The following LRTM1 variants were observed in gnomAD, a reference collection of about 807,000 sequenced individuals.
The protein encoded by LRTM1 is leucine-rich repeat and transmembrane domain-containing protein 1.
Under a neutral mutation model 32.4 loss-of-function variants are expected in LRTM1, and 38 were observed. The ratio of observed to expected loss-of-function variants is 1.17; its 90% CI spans 0.91 to 1.54. LRTM1 has a LOEUF of 1.54. LRTM1 is among the 40% of genes most tolerant of loss of function. LRTM1 has a pLI of 0.00. For synonymous variants in LRTM1, 186 were observed against 169.9 expected, an observed-to-expected ratio of 1.09 and a Z score of -0.74; for missense variants, 466 against 415.4, an observed-to-expected ratio of 1.12 and a Z score of -1.06.
At chr3:54,950,189 C>T (rs1701723546) in intron 1 of LRTM1, among the ~76,000 whole-genome samples, 1 of 152,228 alleles carries the variant, frequency 6.6e-6, no homozygotes, top group African/African-American at 2.4e-5. Context: ...AGGTAGCTTT[C>T]TTGTTTTGTT....
intron 1 of LRTM1, among the ~76,000 whole-genome samples, 173 bp from the exon 2 acceptor site, chr3:54,925,388 T>C (rs771164784): frequency 3.3e-5 from 5 of 152,130 alleles, no homozygotes; most frequent in Non-Finnish European, 5.9e-5. Context: ...CTGGTCAGAG[T>C]ACATCCCCAG....
intron 2 of LRTM1, among the ~76,000 whole-genome samples, chr3:54,919,236 G>A (rs1426837276): frequency 3.3e-5 from 5 of 152,204 alleles, no homozygotes; most frequent in East Asian, 3.9e-4. Flanking sequence ...CACTGCATTC[G>A]TGCCACGCAT....
rs142956958 is a variant in LRTM1, at chr3:54,956,613, TCCTACAGAC to T, written c.-222+10306_-222+10314del. ...TTAGGCTGTCATAAATTCCTGCTCA[TCCTACAGAC>T]CCTGCCTCTTTAGTGGAGAGCTCTT... On this transcript the variant is annotated intron_variant, in intron 1 of 2. Transcript: ENST00000493075. 5.7e-3 allele frequency among the ~76,000 whole-genome samples: 864 copies of T among 152,266 alleles called. 6 individuals carry two copies. Among genetic ancestry groups the T allele is most frequent in the African/African-American group, 0.02 (832 of 41,560 alleles).
chr3:54,944,613 G>C (rs1225507766), intron 1 of LRTM1, among the ~76,000 whole-genome samples: 1 of 152,036 alleles, frequency 6.6e-6, no homozygotes, highest in Non-Finnish European at 1.5e-5. Flanking sequence ...AGTAGAGACA[G>C]GGTTTCACCG....
chr3:54,945,232 G>A (rs937385758), intron 1 of LRTM1, among the ~76,000 whole-genome samples: 1 of 152,200 alleles, frequency 6.6e-6, no homozygotes, highest in African/African-American at 2.4e-5. Flanking sequence ...GTTGGTGTCT[G>A]TGGCATGTGC....
At chr3:54,946,085 A>G (rs756372650) in intron 1 of LRTM1, among the ~76,000 whole-genome samples, 6 of 152,216 alleles carry the variant, frequency 3.9e-5, no homozygotes, top group Non-Finnish European at 5.9e-5. Flanking sequence ...GGAAGCTGCT[A>G]AGGAAATAAA....
chr3:54,965,194 T>G (rs531032812), intron 1 of LRTM1, among the ~76,000 whole-genome samples: 3 of 152,128 alleles, frequency 2.0e-5, no homozygotes, highest in East Asian at 1.9e-4. Flanking sequence ...AAGAAAACTT[T>G]ATTTACAAAA....
chr3:54,930,794 A>G (rs1400033), upstream of LRTM1, among the ~76,000 whole-genome samples: 138,605 of 152,320 alleles, frequency 0.91, 63,254 homozygotes, highest in East Asian at 1. Context: ...GGTAGAGCAA[A>G]AGATCCAAAG....
At chr3:54,942,667 T>G (rs749630776) in intron 1 of LRTM1, among the ~76,000 whole-genome samples, 2 of 151,928 alleles carry the variant, frequency 1.3e-5, no homozygotes, top group Admixed American at 6.6e-5. Context: ...GCCAGAAGGA[T>G]CATTTGAGGA....
intron 1 of LRTM1, among the ~76,000 whole-genome samples, chr3:54,945,073 G>T (rs1219606155): frequency 6.6e-6 from 1 of 152,144 alleles, no homozygotes; most frequent in African/African-American, 2.4e-5. Context: ...TTGTTTGGGG[G>T]CTATAAGCTT....
chr3:54,966,232 G>A (rs1702146683), intron 1 of LRTM1, among the ~76,000 whole-genome samples: 1 of 152,100 alleles, frequency 6.6e-6, no homozygotes, highest in Non-Finnish European at 1.5e-5. Context: ...GAAGCACCAT[G>A]GAAAGGCTAC....
At chr3:54,934,650 C>T (rs747894585) in intron 1 of LRTM1, among the ~76,000 whole-genome samples, 38 of 152,140 alleles carry the variant, frequency 2.5e-4, no homozygotes, top group Non-Finnish European at 4.9e-4. Context: ...AAGACTTAGC[C>T]AGGTTCTGTG....
At chr3:54,952,941 A>G (rs1031494812) in intron 1 of LRTM1, among the ~76,000 whole-genome samples, 1 of 152,194 alleles carries the variant, frequency 6.6e-6, no homozygotes, top group Non-Finnish European at 1.5e-5. Context: ...AACTTTTCAT[A>G]GGGATTTGAA....
upstream of LRTM1, among the ~76,000 whole-genome samples, chr3:54,930,257 A>G (rs1033734403): frequency 2.0e-5 from 3 of 151,992 alleles, no homozygotes; most frequent in African/African-American, 7.2e-5. Flanking sequence ...CTCAACTCCC[A>G]CCACCCAGGC....
chr3:54,938,614 T>A (rs112185804), intron 1 of LRTM1, among the ~76,000 whole-genome samples: 1 of 151,606 alleles, frequency 6.6e-6, no homozygotes, highest in Admixed American at 6.6e-5. Context: ...CAAGCCCCCT[T>A]AGTTACCCCC....
intron 1 of LRTM1, among the ~76,000 whole-genome samples, chr3:54,952,001 A>C (rs1187544538): frequency 1.3e-5 from 2 of 152,102 alleles, no homozygotes; most frequent in African/African-American, 4.8e-5. Flanking sequence ...GGTGCCTGCC[A>C]CCATACCTGG....
chr3:54,933,101 CTTCCTTCCTTCCTTCT>C (rs1701242501), intron 1 of LRTM1, among the ~76,000 whole-genome samples: 1 of 91,760 alleles, frequency 1.1e-5, no homozygotes, highest in Non-Finnish European at 2.1e-5. Flanking sequence ...TCCTTCCTTC[CTTCCTTCCTTCCTTCT>C]TTCTGGACCT....
At chr3:54,933,249 T>G (rs79854753) in intron 1 of LRTM1, among the ~76,000 whole-genome samples, 1,681 of 152,338 alleles carry the variant, frequency 0.011, 41 homozygotes, top group African/African-American at 0.038. Flanking sequence ...GGGCACATAG[T>G]GCTAATAATT....
Position 54,937,213 on chromosome 3 carries a change from C to T in LRTM1, c.-221-11998G>A, listed in dbSNP as rs1357880302. On this transcript the variant is annotated intron_variant, in intron 1 of 2. Coordinates refer to the LRTM1 transcript ENST00000493075. ...TCTTTCTTGATGAAAGAAGTATCTA[C>T]TGAGTGTTCCCTACCTGCAAAGCTC... Among the ~76,000 whole-genome samples, 6 of 152,190 alleles carry T rather than the reference C, an allele frequency of 3.9e-5. No homozygotes were observed. The South Asian group carries it at 1.2e-3, about 31-fold the overall frequency.
Sources: gnomAD v4.1 joint callset for allele counts (sites outside exome capture counted in the v4.1 genomes callset) on GRCh38, gnomAD v4.1.1 for gene constraint, MANE v1.5 for transcripts, NCBI Gene and HGNC (gene_info 2026-07-23, HGNC 2026-07-21) for gene names.